FZD4: variants seen among roughly 807,000 people sequenced by gnomAD.
FZD4 encodes frizzled-4.
FZD4 carries 16 observed loss-of-function variants against 37.3 expected under a neutral mutation model. The observed-to-expected ratio is 0.43, with a 90% confidence interval of 0.29 to 0.65. The LOEUF (loss-of-function observed/expected upper bound fraction) is 0.65. Among genes scored for constraint, FZD4 ranks in the 30% least tolerant of loss-of-function variants. The pLI, the probability that FZD4 is intolerant of heterozygous loss-of-function variation, is 0.16. For synonymous variants in FZD4, 246 were observed against 254.8 expected (o/e 0.97, Z 0.33); for missense variants, 599 against 674.3 (o/e 0.89, Z 1.24).
intron 1 of FZD4, among the ~76,000 whole-genome samples, chr11:86,953,280 T>A (rs78804007): frequency 0.014 from 2,189 of 152,308 alleles, 22 homozygotes; most frequent in South Asian, 0.026. Flanking sequence ...AGTCTTGTCC[T>A]TCAAAACAGC....
Position 86,948,453 on chromosome 11 carries a change from T to C in FZD4, c.*2689A>G, listed in dbSNP as rs1275341747. Reference sequence around the variant, plus strand: ...GAGTTGATTGAAGGTCACTGGTAACTGACCCCTCAGCCACAAAGTTCTTTT... The same window carrying C: ...GAGTTGATTGAAGGTCACTGGTAACCGACCCCTCAGCCACAAAGTTCTTTT... On this transcript the variant is annotated 3_prime_UTR_variant, in exon 2 of 2. Transcript: ENST00000531380. The C allele has an allele frequency of 6.6e-6, 1 of 152,228 alleles. No individual in the cohort carries two copies. The highest frequency in any genetic ancestry group is 1.5e-5 in the Non-Finnish European group (1 of 68,044). 9.4% of individuals were successfully genotyped at this position (152,228 alleles called of 1,614,324 possible).
At chr11:86,953,472 C>G (rs750322494) in intron 1 of FZD4, among the ~76,000 whole-genome samples, 1 of 152,178 alleles carries the variant, frequency 6.6e-6, no homozygotes, top group Non-Finnish European at 1.5e-5. Flanking sequence ...GATATTTTAG[C>G]AGCAACAGGT....
rs1332462702 is a variant in FZD4, at chr11:86,954,995, G to A, written c.91C>T (p.Leu31=). The A allele has an allele frequency of 2.5e-6, 4 of 1,612,432 alleles. 1 individual carries two copies. The highest frequency in any genetic ancestry group is 2.5e-6 in the Non-Finnish European group (3 of 1,179,662). Residue 31 remains leucine (L), a synonymous_variant, in exon 1 of 2, where the codon CTG becomes TTG. Transcript: ENST00000531380. ...TCCCCGAAGCCCCGCGCCGGCCCCA[G>A]GAGCAGCAGCAACTGCAGGAGCAAC... ...LGLLLQLLLL[L]GPARGFGDEE...
intron 1 of FZD4, among the ~76,000 whole-genome samples, chr11:86,953,405 G>A (rs1949310698): frequency 6.6e-6 from 1 of 152,202 alleles, no homozygotes; most frequent in African/African-American, 2.4e-5. Context: ...CTGAGAGCTG[G>A]AGGATCATTT....
rs1382922496 is a variant in FZD4, at chr11:86,951,559, C to A, written c.1197G>T (p.Leu399Phe). The A allele has an allele frequency of 2.5e-6, 4 of 1,614,064 alleles. No homozygotes were observed. The highest frequency in any genetic ancestry group is 3.4e-6 in the Non-Finnish European group (4 of 1,179,964). The change falls in exon 2 of 2, where the codon TTG becomes TTT. Residue 399 changes from leucine (L) to phenylalanine (F), a missense_variant. Physicochemically the swap from Leu to Phe is conservative, Grantham distance 22. Transcript: ENST00000531380. ...CAGCAATGAACAAAGTTCCAATGACCAAATAAGTAAAGAGGGGAGCCACCA... is the reference window on the plus strand; with the variant it reads ...CAGCAATGAACAAAGTTCCAATGACAAAATAAGTAAAGAGGGGAGCCACCA... ...GFVVAPLFTYLVIGTLFIAAG... is the reference protein window; with the variant it reads ...GFVVAPLFTYFVIGTLFIAAG...
intron 1 of FZD4, among the ~76,000 whole-genome samples, chr11:86,953,070 G>A (rs1436272057): frequency 6.6e-6 from 1 of 152,178 alleles, no homozygotes; most frequent in Non-Finnish European, 1.5e-5. Context: ...TGTTTGGCCA[G>A]GTTTCCTCAA....
In FZD4 at chr11:86,949,428, A is replaced by AG. The variant is rs1949271326; in HGVS notation, c.*1713_*1714insC. On this transcript the variant is annotated 3_prime_UTR_variant, in exon 2 of 2. Coordinates refer to ENST00000531380, the MANE Select transcript of FZD4 (RefSeq NM_012193.4). ...ATTGAAAAAAAAAAAAAGAAAAAAAAAAGCTTCCCTTCCTATTTTTTTAAG... is the reference window on the plus strand; with the variant it reads ...ATTGAAAAAAAAAAAAAGAAAAAAAAGAAGCTTCCCTTCCTATTTTTTTAAG... 2.0e-5 allele frequency: 3 copies of AG among 152,120 alleles called. No individual in the cohort carries two copies. Among genetic ancestry groups the AG allele is most frequent in the Admixed American group, 2.0e-4 (3 of 15,288 alleles). The allele number at this position is 152,120 out of a possible 1,614,324, so 9.4% of individuals were successfully genotyped here. A position where few individuals can be genotyped will look rare whatever the true frequency, so the allele number is the denominator to read the frequency against.
rs745770534 is a variant in FZD4 at position 86,954,878 on chromosome 11, C to T, written c.208G>A (p.Glu70Lys). Residue 70 changes from glutamate (E) to lysine (K), a missense_variant, in exon 1 of 2, where the codon GAG becomes AAG. By Grantham distance (56) the Glu-to-Lys change is moderately conservative. This residue lies in a region of FZD4 where 357 missense variants were observed against 396.1 expected (regional missense o/e 0.90). Coordinates refer to ENST00000531380, the MANE Select transcript of FZD4 (RefSeq NM_012193.4). The part of the protein sequence containing the change: ...VTKMPNLVGH[E>K]LQTDAELQLT... ...TGCAGCTCGGCGTCCGTCTGCAGCT[C>T]GTGCCCAACCAGGTTGGGCATCTTG... The T allele has an allele frequency of 6.2e-7, 1 of 1,613,292 alleles. No individual in the cohort carries two copies.
At position 86,949,306 on chromosome 11, in the gene FZD4, C is replaced by G. The variant is rs1565396007; in HGVS notation, c.*1836G>C. 1 of 150,080 alleles carries G rather than the reference C, an allele frequency of 6.7e-6. No individual in the cohort carries two copies. The highest frequency in any genetic ancestry group is 1.5e-5 in the Non-Finnish European group (1 of 67,732). 9.3% of individuals were successfully genotyped at this position (150,080 alleles called of 1,614,324 possible). ...AATGTCAAACTATGGGCATAAGGCT[C>G]AAACCAAATTTTTAAAAAAGAGGAA... On this transcript the variant is annotated 3_prime_UTR_variant, in exon 2 of 2. Coordinates refer to ENST00000531380, the MANE Select transcript of FZD4 (RefSeq NM_012193.4).
chr11:86,955,251 T>C lies in FZD4; in HGVS notation c.-166A>G. On this transcript the variant is annotated 5_prime_UTR_variant, in exon 1 of 2. Transcript: ENST00000531380. ...GCTCTCCAGCAGCTGCGCGCGACTG[T>C]GTGGGATTTTAGACGTCCCGGGCCG... 2 of 530,258 alleles carry C rather than the reference T, an allele frequency of 3.8e-6. No homozygotes were observed. Among genetic ancestry groups the C allele is most frequent in the Admixed American group, 4.3e-5 (1 of 23,524 alleles). 32.8% of individuals were successfully genotyped at this position (530,258 alleles called of 1,614,324 possible).
At chr11:86,954,723 T>A in intron 1 of FZD4, 78 bp downstream of exon 1, 1 of 1,505,750 alleles carries the variant, frequency 6.6e-7, no homozygotes, top group East Asian at 2.5e-5. Flanking sequence ...ATGATCAACT[T>A]GGCATGGGCT....
intron 1 of FZD4, among the ~76,000 whole-genome samples, chr11:86,953,765 C>T (rs537647488): frequency 1.3e-5 from 2 of 152,182 alleles, no homozygotes; most frequent in African/African-American, 2.4e-5. Flanking sequence ...TACAGGCGCA[C>T]GCCACCACGC....
Position 86,945,699 on chromosome 11 carries a change from T to C in FZD4, c.*5443A>G, listed in dbSNP as rs189105376. 2 of 152,786 alleles carry C rather than the reference T, an allele frequency of 1.3e-5. No homozygotes were observed. The highest frequency in any genetic ancestry group is 3.9e-4 in the East Asian group (2 of 5,192). 9.5% of individuals were successfully genotyped at this position (152,786 alleles called of 1,614,324 possible). A position where few individuals can be genotyped will look rare whatever the true frequency, so the allele number is the denominator to read the frequency against. ...CAACCTAACAAACAAAACTTTATTT[T>C]CCTTTAATACAAAATTAAATAGCAA... is the stretch of plus-strand genomic sequence containing the variant. On this transcript the variant is annotated 3_prime_UTR_variant, in exon 2 of 2. Coordinates refer to ENST00000531380, the MANE Select transcript of FZD4 (RefSeq NM_012193.4).
At position 86,946,158 on chromosome 11, in the gene FZD4, G is replaced by C. The variant is rs1949240626; in HGVS notation, c.*4984C>G. The C allele has an allele frequency of 6.6e-6, 1 of 152,246 alleles. No homozygotes were observed. The highest frequency in any genetic ancestry group is 1.5e-5 in the Non-Finnish European group (1 of 68,040). The allele number at this position is 152,246 out of a possible 1,614,324, so 9.4% of individuals were successfully genotyped here. A position where few individuals can be genotyped will look rare whatever the true frequency, so the allele number is the denominator to read the frequency against. On this transcript the variant is annotated 3_prime_UTR_variant, in exon 2 of 2. Transcript: ENST00000531380. ...TCCATGCCTCACTGGGAGAGATCTA[G>C]AAAGCAGCTTACCCCTCCCAAAGCC... is the stretch of plus-strand genomic sequence containing the variant.
At position 86,951,207 on chromosome 11, in the gene FZD4, C is replaced by T; in HGVS notation, c.1549G>A (p.Val517Ile). The T allele has an allele frequency of 6.2e-7, 1 of 1,614,108 alleles. No individual in the cohort carries two copies. The highest frequency in any genetic ancestry group is 8.5e-7 in the Non-Finnish European group (1 of 1,179,948). ...CCATTTCCTCTCTTCTCTCTCTTTACCTTTCCAGAATTCACCAATCTGTTG... is the reference window on the plus strand; with the variant it reads ...CCATTTCCTCTCTTCTCTCTCTTTATCTTTCCAGAATTCACCAATCTGTTG... Reference protein sequence around the residue: ...CSNRLVNSGKVKREKRGNGWV... With the variant: ...CSNRLVNSGKIKREKRGNGWV... Residue 517 changes from valine (V) to isoleucine (I), a missense_variant, in exon 2 of 2, where the codon GTA becomes ATA. Physicochemically the swap from Val to Ile is conservative, Grantham distance 29. Transcript: ENST00000531380.
chr11:86,951,035 T>C lies in FZD4; in HGVS notation c.*107A>G. On this transcript the variant is annotated 3_prime_UTR_variant, in exon 2 of 2. Transcript: ENST00000531380. ...TTGACGGGGGTCACTTAATTGTTGC[T>C]AGTTTGTTCAAACTGAGATTCACTG... is the stretch of plus-strand genomic sequence containing the variant. 1 of 1,208,602 alleles carries C rather than the reference T, an allele frequency of 8.3e-7. No individual in the cohort carries two copies. 74.9% of individuals were successfully genotyped at this position (1,208,602 alleles called of 1,614,324 possible).
chr11:86,951,454 C>T lies in FZD4; in HGVS notation c.1302G>A (p.Met434Ile), dbSNP rs1395375724. 1.2e-6 allele frequency: 2 copies of T among 1,613,808 alleles called. No individual in the cohort carries two copies. The highest frequency in any genetic ancestry group is 1.7e-6 in the Non-Finnish European group (2 of 1,179,676). The change falls in exon 2 of 2, where the codon ATG (methionine) becomes ATA (isoleucine). Residue 434 changes from methionine to isoleucine, a missense_variant. By Grantham distance (10) the Met-to-Ile change is conservative. Coordinates refer to ENST00000531380, the MANE Select transcript of FZD4 (RefSeq NM_012193.4). ...GTKTDKLERL[M>I]VKIGVFSVLY... ...GTACTGAGAACACCCCAATCTTGAC[C>T]ATCAGTCTTTCTAACTTGTCTGTCT...
rs1439330012 is a variant in FZD4, at chr11:86,949,379, G to A, written c.*1763C>T. ...CACCTTTTTGGAATTTTGAGTCCCTGGAAATGTTTTTCCACAAAGTGTGAT... is the reference window on the plus strand; with the variant it reads ...CACCTTTTTGGAATTTTGAGTCCCTAGAAATGTTTTTCCACAAAGTGTGAT... On this transcript the variant is annotated 3_prime_UTR_variant, in exon 2 of 2. Coordinates refer to ENST00000531380, the MANE Select transcript of FZD4 (RefSeq NM_012193.4). 2.7e-5 allele frequency: 4 copies of A among 150,502 alleles called. No individual in the cohort carries two copies. Among genetic ancestry groups the A allele is most frequent in the Admixed American group, 1.3e-4 (2 of 15,116 alleles). The allele number at this position is 150,502 out of a possible 1,614,324, so 9.3% of individuals were successfully genotyped here.
chr11:86,950,359 G>T lies in FZD4; in HGVS notation c.*783C>A, dbSNP rs1397015516. ...CCTTCCTTTTCCCCTCTTTAAGCAT[G>T]CTGCAGTACAAAAATTCTATAAAAA... On this transcript the variant is annotated 3_prime_UTR_variant, in exon 2 of 2. Transcript: ENST00000531380. 6.6e-6 allele frequency: 1 copy of T among 152,620 alleles called. No individual in the cohort carries two copies. Among genetic ancestry groups the T allele is most frequent in the Non-Finnish European group, 1.5e-5 (1 of 68,060 alleles). The allele number at this position is 152,620 out of a possible 1,614,324, so 9.5% of individuals were successfully genotyped here. A position where few individuals can be genotyped will look rare whatever the true frequency, so the allele number is the denominator to read the frequency against.
Sources: gnomAD v4.1 joint callset for allele counts (sites outside exome capture counted in the v4.1 genomes callset) on GRCh38, gnomAD v4.1.1 for gene constraint, gnomAD v4.1.1 regional missense constraint, MANE v1.5 for transcripts, NCBI Gene and HGNC (gene_info 2026-07-23, HGNC 2026-07-21) for gene names.